The following UGT2B10 variants were observed in gnomAD, a reference collection of about 807,000 sequenced individuals.
The protein encoded by UGT2B10 is UDP glucuronosyltransferase family 2 member B10.
A neutral mutation model predicts 43.7 loss-of-function variants in UGT2B10; 51 were observed. The ratio of observed to expected loss-of-function variants is 1.17; its 90% CI spans 0.93 to 1.47. UGT2B10 has a LOEUF of 1.47. Among genes scored for constraint, UGT2B10 ranks in the 40% most tolerant of loss-of-function variants. UGT2B10 has a pLI of 0.00. For missense variants in UGT2B10, 696 were observed against 617.7 expected (o/e 1.13, Z -1.34); for synonymous variants, 225 against 209.0 (o/e 1.08, Z -0.66).
intron 2 of UGT2B10, 72 bp from the exon 3 acceptor site, chr4:68,822,199 T>C (rs1411484465): frequency 1.4e-5 from 22 of 1,572,608 alleles, no homozygotes; most frequent in Non-Finnish European, 1.9e-5. Context: ...TAATATTTTG[T>C]ACCAATTCTT....
intron 3 of UGT2B10, 44 bp downstream of exon 3, chr4:68,822,446 G>C (rs757234608): frequency 6.2e-7 from 1 of 1,608,440 alleles, no homozygotes; most frequent in Admixed American, 1.7e-5. Flanking sequence ...ACTGAAAGAG[G>C]CTGTTAAAGT....
chr4:68,823,595 A>T (rs1192308297), intron 3 of UGT2B10, among the ~76,000 whole-genome samples: 1 of 152,180 alleles, frequency 6.6e-6, no homozygotes, highest in Non-Finnish European at 1.5e-5. Context: ...TGCCTGGAAG[A>T]TGTCACTAAT....
intron 1 of UGT2B10, among the ~76,000 whole-genome samples, chr4:68,817,418 C>T (rs1176655587): frequency 6.6e-6 from 1 of 151,586 alleles, no homozygotes; most frequent in Non-Finnish European, 1.5e-5. Context: ...TGATTATGGT[C>T]GAGTACAGAT....
chr4:68,816,875 C>A (rs569178464), intron 1 of UGT2B10, 138 bp downstream of exon 1: 11 of 802,134 alleles, frequency 1.4e-5, no homozygotes, highest in Non-Finnish European at 2.1e-5. Context: ...AGATGATCTA[C>A]CAATCTCACA....
chr4:68,824,824 A>G (rs187790410), intron 3 of UGT2B10, among the ~76,000 whole-genome samples: 1,604 of 152,266 alleles, frequency 0.011, 35 homozygotes, highest in South Asian at 0.059. Context: ...CAAATTCAGC[A>G]AAATACAATT....
At chr4:68,822,497 C>T (rs1239266106) in intron 3 of UGT2B10, 95 bp downstream of exon 3, 8 of 1,590,930 alleles carry the variant, frequency 5.0e-6, no homozygotes, top group East Asian at 4.5e-5. Flanking sequence ...GTAGACTGAA[C>T]TATTTATAGC....
At chr4:68,830,537 A>C in intron 5 of UGT2B10, 63 bp from the exon 6 acceptor site, 1 of 1,522,346 alleles carries the variant, frequency 6.6e-7, no homozygotes, top group Non-Finnish European at 8.8e-7. Flanking sequence ...CCTTTCATAG[A>C]CTTGATATCT....
At chr4:68,818,248 T>C in intron 2 of UGT2B10, 71 bp downstream of exon 2, 1 of 1,577,664 alleles carries the variant, frequency 6.3e-7, no homozygotes, top group Non-Finnish European at 8.6e-7. Flanking sequence ...TAGTCTTCAT[T>C]CAGAGTGTTT....
rs772851636 is a variant in UGT2B10, at chr4:68,827,408, G to A, written c.1167G>A (p.Met389Ile). 6.2e-7 allele frequency: 1 copy of A among 1,613,464 alleles called. No individual in the cohort carries two copies. The highest frequency in any genetic ancestry group is 8.5e-7 in the Non-Finnish European group (1 of 1,179,618). ...IYEAIYHGIP[M>I]VGIPLFFDQP... is the part of the protein sequence containing the mutation. ...AGGCAATCTACCATGGGATCCCTAT[G>A]GTGGGCATTCCATTGTTTTTTGATC... is the stretch of plus-strand genomic sequence containing the variant. Residue 389 changes from methionine to isoleucine, a missense_variant, in exon 5 of 6, where the codon ATG (methionine) becomes ATA (isoleucine). Met to Ile is a conservative substitution (Grantham distance 10, BLOSUM62 1). Coordinates refer to ENST00000265403, the MANE Select transcript of UGT2B10 (RefSeq NM_001075.6).
chr4:68,816,065 T>C lies in UGT2B10; in HGVS notation c.46T>C (p.Tyr16His). 2 of 1,613,132 alleles carry C rather than the reference T, an allele frequency of 1.2e-6. No individual in the cohort carries two copies. The highest frequency in any genetic ancestry group is 2.2e-5 in the East Asian group (1 of 44,846). Residue 16 changes from tyrosine to histidine, a missense_variant, in exon 1 of 6, where the codon TAC (tyrosine) becomes CAC (histidine). Tyr to His is a moderately conservative substitution (Grantham distance 83). Coordinates refer to ENST00000265403, the MANE Select transcript of UGT2B10 (RefSeq NM_001075.6). Reference protein sequence around the residue: ...TTVLLIQLSFYFSSGSCGKVL... With the variant: ...TTVLLIQLSFHFSSGSCGKVL... ...AGTTCTGCTGATACAACTCAGTTTT[T>C]ACTTTAGCTCTGGGAGTTGTGGAAA... is the stretch of plus-strand genomic sequence containing the variant.
intron 1 of UGT2B10, among the ~76,000 whole-genome samples, 175 bp from the exon 2 acceptor site, chr4:68,817,854 A>G (rs1332498403): frequency 6.6e-6 from 1 of 151,876 alleles, no homozygotes; most frequent in Non-Finnish European, 1.5e-5. Context: ...AAACAAGGGC[A>G]AAATATAGAA....
chr4:68,818,818 G>A (rs1037255863), intron 2 of UGT2B10, among the ~76,000 whole-genome samples: 7 of 151,712 alleles, frequency 4.6e-5, no homozygotes, highest in African/African-American at 1.7e-4. Flanking sequence ...GAATGATTAA[G>A]AATCAGATGA....
chr4:68,824,247 G>T (rs1341040751), intron 3 of UGT2B10, among the ~76,000 whole-genome samples: 3 of 152,206 alleles, frequency 2.0e-5, no homozygotes, highest in Admixed American at 2.0e-4. Context: ...TAGATTTAGA[G>T]AAAGAGAAAA....
intron 3 of UGT2B10, among the ~76,000 whole-genome samples, chr4:68,825,070 G>T (rs1737701565): frequency 6.6e-6 from 1 of 151,954 alleles, no homozygotes; most frequent in African/African-American, 2.4e-5. Context: ...TTATAGACTT[G>T]CTATTTTGTC....
intron 2 of UGT2B10, among the ~76,000 whole-genome samples, chr4:68,821,699 C>CT (rs1298092143): frequency 3.9e-5 from 6 of 152,054 alleles, no homozygotes; most frequent in Non-Finnish European, 7.4e-5. Context: ...CTGGAAAACT[C>CT]TGACAAATTT....
rs1737208050 is a variant in UGT2B10 at position 68,816,413 on chromosome 4, A to G, written c.394A>G (p.Asn132Asp). The G allele has an allele frequency of 1.2e-6, 2 of 1,612,772 alleles. No homozygotes were observed. The highest frequency in any genetic ancestry group is 3.3e-5 in the Admixed American group (2 of 59,808). ...IRNFCKDVVS[N>D]KKLMKKLQES... is the part of the protein sequence containing the mutation. ...AAACTTCTGTAAAGATGTAGTTTCA[A>G]ATAAGAAACTTATGAAAAAACTACA... Residue 132 changes from asparagine (N) to aspartate (D), a missense_variant, in exon 1 of 6, where the codon AAT becomes GAT. Coordinates refer to ENST00000265403, the MANE Select transcript of UGT2B10 (RefSeq NM_001075.6).
rs1737170557 is a variant in UGT2B10 at position 68,816,019 on chromosome 4, G to T, written c.-1G>T. 1 of 1,612,380 alleles carries T rather than the reference G, an allele frequency of 6.2e-7. No individual in the cohort carries two copies. The highest frequency in any genetic ancestry group is 2.2e-5 in the East Asian group (1 of 44,820). ...GAAAAGAATTATCACATTGCACAAG[G>T]ATGGCTCTGAAATGGACTACAGTTC... On this transcript the variant is annotated 5_prime_UTR_variant, in exon 1 of 6. Coordinates refer to ENST00000265403, the MANE Select transcript of UGT2B10 (RefSeq NM_001075.6).
chr4:68,818,137 T>C lies in UGT2B10; in HGVS notation c.827T>C (p.Val276Ala). 1 of 1,611,612 alleles carries C rather than the reference T, an allele frequency of 6.2e-7. No homozygotes were observed. Among genetic ancestry groups the C allele is most frequent in the Middle Eastern group, 1.7e-4 (1 of 6,042 alleles). ...CCATTCTTACCAAATGTTGATTTTG[T>C]TGGAGGACTCCACTGCAAACCTGCC... is the stretch of plus-strand genomic sequence containing the variant. ...PHPFLPNVDF[V>A]GGLHCKPAKP... Residue 276 changes from valine to alanine, a missense_variant, in exon 2 of 6, where the codon GTT (valine) becomes GCT (alanine). Val to Ala is a moderately conservative substitution (Grantham distance 64). Coordinates refer to ENST00000265403, the MANE Select transcript of UGT2B10 (RefSeq NM_001075.6).
chr4:68,830,884 A>G lies in UGT2B10; in HGVS notation c.*5A>G. 6.2e-7 allele frequency: 1 copy of G among 1,611,138 alleles called. No individual in the cohort carries two copies. Among genetic ancestry groups the G allele is most frequent in the South Asian group, 1.1e-5 (1 of 90,764 alleles). The stretch of plus-strand genomic sequence containing the variant: ...AAGAAGGGAAAAAGGGATTAGTTAT[A>G]TCTGAGATTTGAAGCTGGAAAACCT... On this transcript the variant is annotated 3_prime_UTR_variant, in exon 6 of 6. Transcript: ENST00000265403.
Sources: allele counts gnomAD v4.1 joint callset (sites outside exome capture counted in the v4.1 genomes callset), GRCh38; gene constraint gnomAD v4.1.1; transcripts MANE v1.5; gene names NCBI Gene and HGNC (gene_info 2026-07-23, HGNC 2026-07-21).